The following CRYL1 variants were observed in gnomAD, a reference collection of about 807,000 sequenced individuals.
The protein encoded by CRYL1 is lambda-crystallin homolog.
CRYL1 carries 29 observed loss-of-function variants against 36.6 expected under a neutral mutation model. The ratio of observed to expected loss-of-function variants is 0.79; its 90% CI spans 0.59 to 1.08. The LOEUF (loss-of-function observed/expected upper bound fraction) is 1.08, where lower values mean the gene tolerates loss of function less well. Among genes scored for constraint, CRYL1 ranks in the 50% least tolerant of loss-of-function variants. The pLI, the probability that CRYL1 is intolerant of heterozygous loss-of-function variation, is 0.00. For missense variants in CRYL1, 411 were observed against 407.9 expected (o/e 1.01, Z -0.06); for synonymous variants, 152 against 151.5 (o/e 1.00, Z -0.02).
chr13:20,488,615 T>C (rs1174349075), intron 3 of CRYL1, among the ~76,000 whole-genome samples: 1 of 152,242 alleles, frequency 6.6e-6, no homozygotes, highest in East Asian at 1.9e-4. Context: ...AGTAACGACG[T>C]GAAATGTGCA....
chr13:20,427,410 T>C (rs751305605), intron 5 of CRYL1: 13 of 608,022 alleles, frequency 2.1e-5, no homozygotes, highest in Non-Finnish European at 2.7e-5. Context: ...CACGAAGGTC[T>C]AAGGGCTTAC....
intron 3 of CRYL1, among the ~76,000 whole-genome samples, chr13:20,478,151 T>A (rs914666986): frequency 5.9e-5 from 9 of 151,804 alleles, no homozygotes; most frequent in Non-Finnish European, 1.2e-4. Context: ...TGTTTACTAG[T>A]TTCCAAGCAT....
chr13:20,452,605 T>G (rs552074770), intron 3 of CRYL1, among the ~76,000 whole-genome samples: 48 of 152,304 alleles, frequency 3.2e-4, no homozygotes, highest in African/African-American at 1.1e-3. Flanking sequence ...GTGACAATAC[T>G]GTGTATGATA....
At chr13:20,478,465 C>A (rs577963173) in intron 3 of CRYL1, among the ~76,000 whole-genome samples, 6 of 152,160 alleles carry the variant, frequency 3.9e-5, no homozygotes, top group African/African-American at 1.4e-4. Context: ...TACAGTCTTT[C>A]TTTTATTTGG....
chr13:20,441,076 C>T (rs9552183), intron 3 of CRYL1, among the ~76,000 whole-genome samples: 47,285 of 151,896 alleles, frequency 0.31, 8,068 homozygotes, highest in African/African-American at 0.44. Context: ...ACATCTGCAC[C>T]TCTGGGATCA....
chr13:20,431,364 C>T, intron 5 of CRYL1: 1 of 985,414 alleles, frequency 1.0e-6, no homozygotes, highest in Non-Finnish European at 1.2e-6. Flanking sequence ...AATGTTTTTG[C>T]AACACAGGCG....
intron 1 of CRYL1, among the ~76,000 whole-genome samples, chr13:20,518,588 G>T (rs144299276): frequency 0.013 from 1,907 of 152,240 alleles, 18 homozygotes; most frequent in Non-Finnish European, 0.023. Context: ...TGAGATAGTT[G>T]GCTAATAGAA....
At chr13:20,499,392 T>C (rs35805613) in intron 2 of CRYL1, among the ~76,000 whole-genome samples, 52,729 of 149,884 alleles carry the variant, frequency 0.35, 10,207 homozygotes, top group East Asian at 0.49. Context: ...CTCATGCCTT[T>C]AATCCCAGCA....
chr13:20,410,187 G>A (rs1593425799), intron 6 of CRYL1, among the ~76,000 whole-genome samples: 1 of 148,372 alleles, frequency 6.7e-6, no homozygotes, highest in Non-Finnish European at 1.5e-5. Context: ...TATACACCAT[G>A]GAATACTATG....
At chr13:20,413,909 T>G (rs2031587823) in intron 5 of CRYL1, among the ~76,000 whole-genome samples, 2 of 152,166 alleles carry the variant, frequency 1.3e-5, no homozygotes, top group African/African-American at 4.8e-5. Context: ...GCGTGGTGGC[T>G]CACACCTGTA....
At chr13:20,461,491 A>C (rs1593460473) in intron 3 of CRYL1, among the ~76,000 whole-genome samples, 1 of 152,274 alleles carries the variant, frequency 6.6e-6, no homozygotes, top group East Asian at 1.9e-4. Flanking sequence ...AAAATTTATT[A>C]ATCTTTATTA....
At position 20,404,082 on chromosome 13, in the gene CRYL1, CA is replaced by C; in HGVS notation, c.*46del. 2 of 1,355,932 alleles carry C rather than the reference CA, an allele frequency of 1.5e-6. No individual in the cohort carries two copies. The highest frequency in any genetic ancestry group is 1.2e-5 in the South Asian group (1 of 85,350). 84.0% of individuals were successfully genotyped at this position (1,355,932 alleles called of 1,614,324 possible). A position where few individuals can be genotyped will look rare whatever the true frequency, so the allele number is the denominator to read the frequency against. On this transcript the variant is annotated 3_prime_UTR_variant, in exon 8 of 8. Coordinates refer to ENST00000298248, the MANE Select transcript of CRYL1 (RefSeq NM_015974.3). ...GCTGATTAAGGGCTTGCAGTGTTCC[CA>C]AATAGGGCCTCCAATGAGAGGAGTG...
In CRYL1 at chr13:20,404,692, T is replaced by C. The variant is rs1457110454; in HGVS notation, c.789A>G (p.Leu263=). 2 of 1,614,112 alleles carry C rather than the reference T, an allele frequency of 1.2e-6. No individual in the cohort carries two copies. Among genetic ancestry groups the C allele is most frequent in the Admixed American group, 1.7e-5 (1 of 60,028 alleles). The change falls in exon 7 of 8, where the codon CTA becomes CTG. Residue 263 remains leucine, a synonymous_variant. Transcript: ENST00000298248. The stretch of plus-strand genomic sequence containing the variant: ...ACTCTGGAATGGGTCCAAAAGTCTG[T>C]AGGACATGTTTTATGCCTTCGCTGT... The part of the protein sequence containing the change: ...DRYSEGIKHV[L]QTFGPIPEFS...
intron 6 of CRYL1, among the ~76,000 whole-genome samples, chr13:20,406,634 G>A (rs573817878): frequency 6.6e-6 from 1 of 152,010 alleles, no homozygotes; most frequent in East Asian, 1.9e-4. Context: ...ATTTCATTTG[G>A]GAAATTATTT....
At chr13:20,422,659 A>G (rs7330265) in intron 5 of CRYL1, among the ~76,000 whole-genome samples, 110,197 of 152,152 alleles carry the variant, frequency 0.72, 41,198 homozygotes, top group Admixed American at 0.83. Context: ...ATATGCTTAG[A>G]TGCCATTTCT....
chr13:20,485,616 C>A (rs1156351693), intron 3 of CRYL1, among the ~76,000 whole-genome samples: 2 of 151,596 alleles, frequency 1.3e-5, no homozygotes, highest in African/African-American at 4.9e-5. Context: ...TTGCAGGGAG[C>A]TGAGATCACG....
intron 5 of CRYL1, among the ~76,000 whole-genome samples, chr13:20,421,363 A>G (rs1051010552): frequency 6.6e-6 from 1 of 152,176 alleles, no homozygotes. Flanking sequence ...CTCTGGGAAT[A>G]CAGTTTACTA....
rs187261319 is a variant in CRYL1, at chr13:20,498,511, C to G, written c.150-9015G>C. 3.3e-5 allele frequency among the ~76,000 whole-genome samples: 5 copies of G among 152,304 alleles called. No individual in the cohort carries two copies. In the East Asian group the frequency reaches 9.6e-4, roughly 29 times the overall value. ...AACAGGGTTTTCTTGGAGCATTGAT[C>G]TGCTCTTTAATATAAAATTATAAAA... On this transcript the variant is annotated intron_variant, in intron 2 of 7. Coordinates refer to ENST00000298248, the MANE Select transcript of CRYL1 (RefSeq NM_015974.3).
chr13:20,442,266 T>C (rs1277127382), intron 3 of CRYL1, among the ~76,000 whole-genome samples: 2 of 152,242 alleles, frequency 1.3e-5, no homozygotes, highest in African/African-American at 4.8e-5. Flanking sequence ...TCAAATCTGT[T>C]ACAATTATGT....
Sources: allele counts gnomAD v4.1 joint callset (sites outside exome capture counted in the v4.1 genomes callset), GRCh38; gene constraint gnomAD v4.1.1; transcripts MANE v1.5; gene names NCBI Gene and HGNC (gene_info 2026-07-23, HGNC 2026-07-21).